FGFR2: variants seen among roughly 807,000 people sequenced by gnomAD.
The protein encoded by FGFR2 is BEK fibroblast growth factor receptor.
A neutral mutation model predicts 95.9 loss-of-function variants in FGFR2; 19 were observed. That is an observed-to-expected ratio of 0.20 (90% CI 0.14 to 0.29). FGFR2 has a LOEUF of 0.29. Ranked by LOEUF, FGFR2 falls within the 10% of genes least tolerant of loss-of-function variation. The pLI, the probability that FGFR2 is intolerant of heterozygous loss-of-function variation, is 1.00. For missense variants in FGFR2, 707 were observed against 1,056.9 expected, an observed-to-expected ratio of 0.67 and a Z score of 4.59; for synonymous variants, 392 against 393.3, an observed-to-expected ratio of 1.00 and a Z score of 0.04.
rs553299073 is a variant in FGFR2 at position 121,576,953 on chromosome 10, G to A, written c.110-11249C>T. ...AGTTCGAGACCAGCCTGGCCAACAT[G>A]GGGAGACCCCATCTCTATTAAAAAT... On this transcript the variant is annotated intron_variant, in intron 2 of 17. Coordinates refer to ENST00000358487, the MANE Select transcript of FGFR2 (RefSeq NM_000141.5). Among the ~76,000 whole-genome samples, 235 of 150,604 alleles carry A rather than the reference G, an allele frequency of 1.6e-3. 1 individual carries two copies. The highest frequency in any genetic ancestry group is 5.4e-3 in the African/African-American group (220 of 40,918).
chr10:121,598,183 A>G lies in FGFR2; in HGVS notation c.-372T>C, dbSNP rs1400720592. On this transcript the variant is annotated 5_prime_UTR_variant, in exon 1 of 18. Transcript: ENST00000358487. ...GGGCTGCCCTCGGATTTGGGGAACG[A>G]GAGGAAGAAAGGACTCAGGCTTGGC... is the stretch of plus-strand genomic sequence containing the variant. The G allele has an allele frequency of 2.5e-6, 1 of 397,852 alleles. No homozygotes were observed. The highest frequency in any genetic ancestry group is 3.6e-5 in the East Asian group (1 of 28,020). 24.6% of individuals were successfully genotyped at this position (397,852 alleles called of 1,614,324 possible). A position where few individuals can be genotyped will look rare whatever the true frequency, so the allele number is the denominator to read the frequency against.
intron 5 of FGFR2, among the ~76,000 whole-genome samples, chr10:121,546,963 G>T (rs1344751771): frequency 6.6e-6 from 1 of 152,202 alleles, no homozygotes; most frequent in Non-Finnish European, 1.5e-5. Context: ...AGTAGCTCAT[G>T]CCTGTAATCC....
intron 17 of FGFR2, 52 bp from the exon 18 acceptor site, chr10:121,480,073 G>A (rs959127040): frequency 9.8e-6 from 15 of 1,532,936 alleles, no homozygotes; most frequent in Non-Finnish European, 1.4e-5. Flanking sequence ...AGGATAACAA[G>A]GTGAATACGG....
intron 9 of FGFR2, among the ~76,000 whole-genome samples, chr10:121,508,500 C>A (rs1848611543): frequency 6.6e-6 from 1 of 152,088 alleles, no homozygotes; most frequent in Non-Finnish European, 1.5e-5. Context: ...CATCCACAAA[C>A]CCCTGGCAAA....
At position 121,489,272 on chromosome 10, in the gene FGFR2, C is replaced by T. The variant is rs1649169; in HGVS notation, c.1864-1159G>A. ...TATTTTTAGTAGAGACGGGGTTTCA[C>T]CATGTCGGTCAGGCTGGTCTCGAAC... On this transcript the variant is annotated intron_variant, in intron 13 of 17. Transcript: ENST00000358487. Among the ~76,000 whole-genome samples the T allele has an allele frequency of 1.9e-3, 295 of 152,182 alleles. 2 individuals carry two copies. Among genetic ancestry groups the T allele is most frequent in the African/African-American group, 6.2e-3 (256 of 41,540 alleles).
At chr10:121,483,909 A>T in intron 16 of FGFR2, 106 bp from the exon 17 acceptor site, 1 of 811,254 alleles carries the variant, frequency 1.2e-6, no homozygotes, top group Admixed American at 2.0e-5. Flanking sequence ...AGGAAAATGC[A>T]TCAGAACCTT....
chr10:121,509,482 CTTTTTT>C (rs67778522), intron 9 of FGFR2, among the ~76,000 whole-genome samples: 5 of 45,346 alleles, frequency 1.1e-4, no homozygotes, highest in African/African-American at 4.3e-4. Flanking sequence ...TGTTTCTTTT[CTTTTTT>C]TTTTTTTTTT....
In FGFR2 at chr10:121,598,004, C is replaced by T. The variant is rs1863709042; in HGVS notation, c.-193G>A. The stretch of plus-strand genomic sequence containing the variant: ...CTCCGCGACCTGTGTTGTCCCCGCG[C>T]CCCGCGTGGGTCGGGATGGAGAAAG... On this transcript the variant is annotated 5_prime_UTR_variant, in exon 1 of 18. Coordinates refer to ENST00000358487, the MANE Select transcript of FGFR2 (RefSeq NM_000141.5). 5.1e-6 allele frequency: 2 copies of T among 395,966 alleles called. No homozygotes were observed. Among genetic ancestry groups the T allele is most frequent in the South Asian group, 2.6e-4 (2 of 7,796 alleles). 24.5% of individuals were successfully genotyped at this position (395,966 alleles called of 1,614,324 possible).
intron 2 of FGFR2, among the ~76,000 whole-genome samples, chr10:121,581,834 A>G (rs1299579095): frequency 1.3e-5 from 2 of 150,564 alleles, no homozygotes; most frequent in East Asian, 3.9e-4. Context: ...GAACTCCTAA[A>G]CATGGGGCAC....
intron 6 of FGFR2, among the ~76,000 whole-genome samples, chr10:121,530,137 T>A (rs752151908): frequency 6.6e-6 from 1 of 152,088 alleles, no homozygotes. Flanking sequence ...AATCTCTAAG[T>A]AAGGAGCACA....
chr10:121,594,253 G>A (rs2135493079), intron 1 of FGFR2: 1 of 379,358 alleles, frequency 2.6e-6, no homozygotes, highest in African/African-American at 2.0e-5. Flanking sequence ...GAGGCAATGT[G>A]TGCTCTCTTC....
rs1377245446 is a variant in FGFR2, at chr10:121,551,181, C to T, written c.624+109G>A. The T allele has an allele frequency of 2.3e-5, 30 of 1,278,278 alleles. No homozygotes were observed. The East Asian group carries it at 2.5e-4, about 11-fold the overall frequency. The allele number at this position is 1,278,278 out of a possible 1,614,324, so 79.2% of individuals were successfully genotyped here. A position where few individuals can be genotyped will look rare whatever the true frequency, so the allele number is the denominator to read the frequency against. On this transcript the variant is annotated intron_variant, in intron 5 of 17. Coordinates refer to ENST00000358487, the MANE Select transcript of FGFR2 (RefSeq NM_000141.5). ...GTTGCAGTGAACCGAGATCGCACCACGGCACTCCAGCCTGGGCGACAGAGC... is the reference window on the plus strand; with the variant it reads ...GTTGCAGTGAACCGAGATCGCACCATGGCACTCCAGCCTGGGCGACAGAGC...
At chr10:121,594,376 G>A (rs1160985667) in intron 1 of FGFR2, among the ~76,000 whole-genome samples, 2 of 152,212 alleles carry the variant, frequency 1.3e-5, no homozygotes, top group Non-Finnish European at 2.9e-5. Context: ...AACCAACCTC[G>A]TTCCCTTCTC....
At chr10:121,540,291 C>A (rs1264184578) in intron 5 of FGFR2, among the ~76,000 whole-genome samples, 2 of 152,152 alleles carry the variant, frequency 1.3e-5, no homozygotes, top group African/African-American at 2.4e-5. Context: ...AATCTACGGG[C>A]ATCTGATCGA....
At chr10:121,493,567 C>T (rs569504228) in intron 13 of FGFR2, among the ~76,000 whole-genome samples, 5 of 152,308 alleles carry the variant, frequency 3.3e-5, no homozygotes, top group East Asian at 3.9e-4. Flanking sequence ...TGTGCCTGCT[C>T]GGCCTCCGCT....
chr10:121,587,592 A>G (rs1862014068), intron 2 of FGFR2, among the ~76,000 whole-genome samples: 1 of 152,224 alleles, frequency 6.6e-6, no homozygotes, highest in African/African-American at 2.4e-5. Context: ...AAGTAGACAA[A>G]GGACATAGAC....
chr10:121,541,382 T>C (rs1197248644), intron 5 of FGFR2, among the ~76,000 whole-genome samples: 1 of 152,204 alleles, frequency 6.6e-6, no homozygotes, highest in Non-Finnish European at 1.5e-5. Flanking sequence ...TGATTAGTGG[T>C]TGCTTAATAG....
intron 13 of FGFR2, among the ~76,000 whole-genome samples, chr10:121,492,034 G>C (rs1293383314): frequency 6.6e-6 from 1 of 151,954 alleles, no homozygotes; most frequent in East Asian, 1.9e-4. Flanking sequence ...AAAATAGCCA[G>C]GTGTGGTGGT....
chr10:121,564,647 AC>A (rs1374549481), intron 3 of FGFR2, 68 bp from the exon 4 acceptor site: 39 of 1,389,168 alleles, frequency 2.8e-5, no homozygotes, highest in Admixed American at 5.0e-5. Context: ...ATTATCTACA[AC>A]TGAGACCTTC....
Sources: allele counts gnomAD v4.1 joint callset (sites outside exome capture counted in the v4.1 genomes callset), GRCh38; gene constraint gnomAD v4.1.1; transcripts MANE v1.5; gene names NCBI Gene and HGNC (gene_info 2026-07-23, HGNC 2026-07-21).